The following PTPRD variants were observed in gnomAD, a reference collection of about 807,000 sequenced individuals.
PTPRD encodes the protein protein tyrosine phosphatase receptor type D.
PTPRD carries 34 observed loss-of-function variants against 214.5 expected under a neutral mutation model. That is an observed-to-expected ratio of 0.16 (90% CI 0.12 to 0.21). The LOEUF (loss-of-function observed/expected upper bound fraction) is 0.21. Among genes scored for constraint, PTPRD ranks in the 10% least tolerant of loss-of-function variants. PTPRD has a pLI of 1.00. For synonymous variants in PTPRD, 1,128 were observed against 845.7 expected, an observed-to-expected ratio of 1.33 and a Z score of -5.79; for missense variants, 2,545 against 2,398.7, an observed-to-expected ratio of 1.06 and a Z score of -1.27.
intron 11 of PTPRD, among the ~76,000 whole-genome samples, chr9:8,988,973 A>T (rs2099356043): frequency 6.6e-6 from 1 of 152,084 alleles, no homozygotes; most frequent in African/African-American, 2.4e-5. Context: ...TTTACTATAC[A>T]AATGTTTACA....
intron 3 of PTPRD, among the ~76,000 whole-genome samples, chr9:10,072,523 G>A (rs1040465554): frequency 2.0e-5 from 3 of 152,050 alleles, no homozygotes; most frequent in African/African-American, 7.2e-5. Flanking sequence ...AGCATGGAAG[G>A]GGACATGAGC....
intron 8 of PTPRD, among the ~76,000 whole-genome samples, chr9:9,571,456 T>A (rs1259951302): frequency 2.6e-5 from 4 of 151,468 alleles, no homozygotes; most frequent in South Asian, 4.1e-4. Context: ...TTAGACATAA[T>A]ATTTTAGAAG....
chr9:8,341,542 G>C, intron 40 of PTPRD, 151 bp downstream of exon 40: 1 of 945,146 alleles, frequency 1.1e-6, no homozygotes, highest in Non-Finnish European at 1.6e-6. Flanking sequence ...AGAGGAAAAG[G>C]GGAGGAATAC....
intron 2 of PTPRD, among the ~76,000 whole-genome samples, chr9:10,577,278 G>T (rs1454760477): frequency 6.6e-6 from 1 of 152,086 alleles, no homozygotes; most frequent in East Asian, 1.9e-4. Flanking sequence ...CTTTTCTTTA[G>T]TCAGTGGAAC....
intron 2 of PTPRD, among the ~76,000 whole-genome samples, chr9:10,461,313 A>G (rs902118260): frequency 1.3e-5 from 2 of 151,896 alleles, no homozygotes; most frequent in Non-Finnish European, 2.9e-5. Context: ...AAACAGTGTC[A>G]GATTTCTAAT....
intron 2 of PTPRD, among the ~76,000 whole-genome samples, chr9:10,481,702 T>C (rs563315835): frequency 6.6e-6 from 1 of 152,314 alleles, no homozygotes; most frequent in East Asian, 1.9e-4. Context: ...AAAATCCTCA[T>C]AGGTATGCTA....
intron 10 of PTPRD, among the ~76,000 whole-genome samples, chr9:9,021,932 G>A (rs1339730375): frequency 2.0e-5 from 3 of 151,764 alleles, no homozygotes; most frequent in East Asian, 1.9e-4. Flanking sequence ...ATGAGAACAC[G>A]TGGACACAGG....
chr9:9,761,521 G>A (rs1597080034), intron 6 of PTPRD, among the ~76,000 whole-genome samples: 1 of 152,092 alleles, frequency 6.6e-6, no homozygotes, highest in East Asian at 1.9e-4. Context: ...GCATTTTATA[G>A]AACATAATGA....
intron 35 of PTPRD, among the ~76,000 whole-genome samples, chr9:8,419,166 A>G (rs139743246): frequency 1.3e-3 from 199 of 151,352 alleles, no homozygotes; most frequent in Non-Finnish European, 2.4e-3. Context: ...TGTCGCAGTG[A>G]GCTGAGATGA....
intron 2 of PTPRD, among the ~76,000 whole-genome samples, chr9:10,523,826 G>A (rs750779339): frequency 2.0e-5 from 3 of 151,396 alleles, no homozygotes; most frequent in Non-Finnish European, 2.9e-5. Context: ...GATTTCAGGG[G>A]CCTAACTATA....
At chr9:10,110,885 G>C (rs529886296) in intron 3 of PTPRD, among the ~76,000 whole-genome samples, 3 of 152,290 alleles carry the variant, frequency 2.0e-5, no homozygotes, top group East Asian at 3.9e-4. Context: ...ACTAGCTAAA[G>C]CTTAACAAGA....
intron 11 of PTPRD, among the ~76,000 whole-genome samples, chr9:8,845,279 G>C (rs1011876096): frequency 2.6e-5 from 4 of 152,146 alleles, no homozygotes; most frequent in South Asian, 2.1e-4. Context: ...CAGTTGTCAA[G>C]AGGTTATCTC....
intron 11 of PTPRD, among the ~76,000 whole-genome samples, chr9:8,762,977 C>G (rs2154477982): frequency 6.6e-6 from 1 of 152,278 alleles, no homozygotes; most frequent in African/African-American, 2.4e-5. Flanking sequence ...CCAGGCCATT[C>G]TTCAGGCTAT....
intron 27 of PTPRD, among the ~76,000 whole-genome samples, chr9:8,492,174 G>C (rs1014325509): frequency 6.6e-6 from 1 of 151,858 alleles, no homozygotes; most frequent in Non-Finnish European, 1.5e-5. Context: ...GGCTTCTTTA[G>C]AATCCCCACA....
chr9:8,520,445 A>C (rs1053958265), intron 20 of PTPRD, among the ~76,000 whole-genome samples: 46 of 152,168 alleles, frequency 3.0e-4, no homozygotes, highest in African/African-American at 1.1e-3. Context: ...GCAAACTTGT[A>C]CTTCTTACTT....
At chr9:8,809,429 C>G (rs756355785) in intron 11 of PTPRD, among the ~76,000 whole-genome samples, 1 of 152,124 alleles carries the variant, frequency 6.6e-6, no homozygotes. Context: ...ATAGGCCTAA[C>G]AGTGGAGCCA....
At chr9:8,938,750 A>C (rs1271753311) in intron 11 of PTPRD, among the ~76,000 whole-genome samples, 2 of 152,092 alleles carry the variant, frequency 1.3e-5, no homozygotes, top group Admixed American at 1.3e-4. Context: ...TGAAGATTCT[A>C]ACCTTTCCCC....
intron 11 of PTPRD, among the ~76,000 whole-genome samples, chr9:8,929,755 A>ATATATATGTGTGTATATATGTG (rs1285445116): frequency 3.4e-5 from 2 of 58,080 alleles, no homozygotes; most frequent in Admixed American, 1.8e-4. Context: ...GTATATATAT[A>ATATATATGTGTGTATATATGTG]TGTATATATA....
chr9:9,697,166 G>T (rs566995131), intron 7 of PTPRD, among the ~76,000 whole-genome samples: 1 of 151,996 alleles, frequency 6.6e-6, no homozygotes, highest in Non-Finnish European at 1.5e-5. Flanking sequence ...CTATTTTTTT[G>T]ATAGATTGCT....
Sources: allele counts gnomAD v4.1 joint callset (sites outside exome capture counted in the v4.1 genomes callset), GRCh38; gene constraint gnomAD v4.1.1; transcripts MANE v1.5; gene names NCBI Gene and HGNC (gene_info 2026-07-23, HGNC 2026-07-21).